CCDC169: variants seen among roughly 807,000 people sequenced by gnomAD.
The protein encoded by CCDC169 is coiled-coil domain-containing protein 169.
A neutral mutation model predicts 36.0 loss-of-function variants in CCDC169; 30 were observed. The observed-to-expected ratio is 0.83, with a 90% CI of 0.62 to 1.13. The LOEUF (loss-of-function observed/expected upper bound fraction) is 1.13. Among genes scored for constraint, CCDC169 ranks in the 50% most tolerant of loss-of-function variants. The pLI, the probability that CCDC169 is intolerant of heterozygous loss-of-function variation, is 0.00. For synonymous variants in CCDC169, 85 were observed against 81.5 expected (o/e 1.04, Z -0.23); for missense variants, 245 against 245.9 (o/e 1.00, Z 0.03).
rs67328439 is a variant in CCDC169, at chr13:36,231,152, GA to G, written c.*40del. On this transcript the variant is annotated 3_prime_UTR_variant, in exon 8 of 8. Transcript: ENST00000239859. ...CTTTATAACTTGAATATTATAAATGGAAAAAAAAAGGAAGAAATAGAAATCC... is the reference window on the plus strand; with the variant it reads ...CTTTATAACTTGAATATTATAAATGGAAAAAAAAGGAAGAAATAGAAATCC... 703,677 of 1,524,226 alleles carry G rather than the reference GA, an allele frequency of 0.46. 165,129 individuals carry two copies. Among genetic ancestry groups the G allele is most frequent in the Non-Finnish European group, 0.48 (549,591 of 1,135,676 alleles). The allele number at this position is 1,524,226 out of a possible 1,614,324, so 94.4% of individuals were successfully genotyped here. A position where few individuals can be genotyped will look rare whatever the true frequency, so the allele number is the denominator to read the frequency against.
chr13:36,283,481 T>G lies in CCDC169; in HGVS notation c.303A>C (p.Glu101Asp), dbSNP rs1011863216. 4 of 1,550,236 alleles carry G rather than the reference T, an allele frequency of 2.6e-6. No individual in the cohort carries two copies. In the Admixed American group the frequency reaches 5.9e-5, roughly 23 times the overall value. The stretch of plus-strand genomic sequence containing the variant: ...CATTTCTACTCACCACTGGCATTCG[T>G]TCATAGACACGAATAGAAGATAGTC... ...SDRLSSIRVY[E>D]RMPVESLNTL... The change falls in exon 4 of 8, where the codon GAA becomes GAC. Residue 101 changes from glutamate to aspartate, a missense_variant. Coordinates refer to ENST00000239859, the MANE Select transcript of CCDC169 (RefSeq NM_001144981.3).
At chr13:36,229,290 T>C (rs1456642860), downstream of CCDC169, among the ~76,000 whole-genome samples, 2 of 152,144 alleles carry the variant, frequency 1.3e-5, no homozygotes, top group African/African-American at 4.8e-5. Flanking sequence ...TTCAGTTCTT[T>C]ATACTCTCTC....
chr13:36,281,299 AC>A (rs1480378411), intron 4 of CCDC169: 1 of 448,938 alleles, frequency 2.2e-6, no homozygotes, highest in Non-Finnish European at 4.4e-6. Context: ...GAAAAAAAAA[AC>A]TTTACTTGTT....
intron 4 of CCDC169, among the ~76,000 whole-genome samples, chr13:36,260,121 T>G (rs965525197): frequency 6.6e-6 from 1 of 152,246 alleles, no homozygotes; most frequent in East Asian, 1.9e-4. Context: ...TATCTAACTG[T>G]TGAGAAGATT....
chr13:36,288,131 C>T (rs1344422518), intron 2 of CCDC169, among the ~76,000 whole-genome samples: 2 of 152,120 alleles, frequency 1.3e-5, no homozygotes, highest in Non-Finnish European at 2.9e-5. Context: ...GCCTCAGCCT[C>T]CCGAGTAGCT....
rs1872769448 is a variant in CCDC169, at chr13:36,248,588, A to T, written c.545+18T>A. On this transcript the variant is annotated intron_variant, in intron 7 of 7. Transcript: ENST00000239859. ...GCAAATGTAACGAATTAGAAAGAAA[A>T]TATATAGCTAGACTTACGTTTTCAC... The T allele has an allele frequency of 6.5e-7, 1 of 1,546,564 alleles. No homozygotes were observed. The highest frequency in any genetic ancestry group is 1.4e-5 in the African/African-American group (1 of 72,896).
At chr13:36,264,010 T>C (rs560301906) in intron 4 of CCDC169, among the ~76,000 whole-genome samples, 62 of 152,298 alleles carry the variant, frequency 4.1e-4, no homozygotes, top group South Asian at 3.7e-3. Flanking sequence ...AATACATTTA[T>C]AGATGTAAAA....
At chr13:36,222,256 T>G (rs550771052), downstream of CCDC169, 1 of 152,090 alleles carries the variant, frequency 6.6e-6, no homozygotes, top group East Asian at 1.9e-4. Flanking sequence ...CAGAGCAGGG[T>G]AGGGGATCCC....
Position 36,253,848 on chromosome 13 carries a change from C to T in CCDC169, c.423G>A (p.Gln141=). The T allele has an allele frequency of 9.7e-6, 15 of 1,551,122 alleles. No individual in the cohort carries two copies. Among genetic ancestry groups the T allele is most frequent in the Non-Finnish European group, 1.3e-5 (15 of 1,146,868 alleles). The change falls in exon 6 of 8, where the codon CAG becomes CAA. Residue 141 remains glutamine, a synonymous_variant. Coordinates refer to ENST00000239859, the MANE Select transcript of CCDC169 (RefSeq NM_001144981.3). ...LKLEQESKAY[Q]KINNERRTYL... ...ATGTACGGCGTTCATTGTTGATCTT[C>T]TGGTAAGCCTGTGTGAAGATACAAA...
intron 2 of CCDC169, among the ~76,000 whole-genome samples, chr13:36,294,849 A>G (rs61950139): frequency 0.17 from 26,250 of 152,108 alleles, 2,512 homozygotes; most frequent in Non-Finnish European, 0.22. Context: ...GTGCTTTTCC[A>G]TACAATGTCT....
intron 6 of CCDC169, among the ~76,000 whole-genome samples, chr13:36,252,888 T>C (rs781201224): frequency 6.6e-6 from 1 of 152,214 alleles, no homozygotes; most frequent in Non-Finnish European, 1.5e-5. Context: ...ATTGATTAAA[T>C]ATTTAAACGT....
intron 4 of CCDC169, among the ~76,000 whole-genome samples, chr13:36,271,260 A>C (rs1876014902): frequency 6.6e-6 from 1 of 152,156 alleles, no homozygotes. Flanking sequence ...AAAAAAATAG[A>C]TGTTGGCATG....
At chr13:36,274,893 CAA>C (rs1876578808) in intron 4 of CCDC169, among the ~76,000 whole-genome samples, 1 of 70,660 alleles carries the variant, frequency 1.4e-5, no homozygotes. Flanking sequence ...TTTTTTGAGA[CAA>C]AGTCTCCCTG....
At chr13:36,286,422 A>G in intron 2 of CCDC169, among the ~76,000 whole-genome samples, 1 of 152,052 alleles carries the variant, frequency 6.6e-6, no homozygotes, top group Non-Finnish European at 1.5e-5. Flanking sequence ...CATTTTATGC[A>G]TTGGTTTTGT....
At chr13:36,265,628 C>T (rs1176879384) in intron 4 of CCDC169, among the ~76,000 whole-genome samples, 1 of 152,180 alleles carries the variant, frequency 6.6e-6, no homozygotes, top group Non-Finnish European at 1.5e-5. Context: ...TGGCACTAAT[C>T]GCTACTGTCT....
At chr13:36,278,334 T>C (rs779016267) in intron 4 of CCDC169, among the ~76,000 whole-genome samples, 1 of 152,120 alleles carries the variant, frequency 6.6e-6, no homozygotes, top group Non-Finnish European at 1.5e-5. Flanking sequence ...CAGTGTCCCA[T>C]AGTCTGAATT....
chr13:36,273,381 T>C (rs902657334), intron 4 of CCDC169, among the ~76,000 whole-genome samples: 13 of 152,282 alleles, frequency 8.5e-5, no homozygotes, highest in African/African-American at 3.1e-4. Flanking sequence ...AGGAGTTTTA[T>C]ACATGGGAAG....
At chr13:36,293,831 C>G (rs1449388515) in intron 2 of CCDC169, among the ~76,000 whole-genome samples, 1 of 152,050 alleles carries the variant, frequency 6.6e-6, no homozygotes, top group African/African-American at 2.4e-5. Flanking sequence ...CCAGTTAATC[C>G]ACAGAATTAT....
At chr13:36,257,227 A>G (rs1480194790) in intron 4 of CCDC169, among the ~76,000 whole-genome samples, 1 of 152,182 alleles carries the variant, frequency 6.6e-6, no homozygotes, top group Non-Finnish European at 1.5e-5. Context: ...GGCAGCCCCT[A>G]GCTCAGGCCA....
Sources: gnomAD v4.1 joint callset for allele counts (sites outside exome capture counted in the v4.1 genomes callset) on GRCh38, gnomAD v4.1.1 for gene constraint, MANE v1.5 for transcripts, NCBI Gene and HGNC (gene_info 2026-07-23, HGNC 2026-07-21) for gene names.